Variants in NOTCH2NLB observed in about 807,000 individuals in gnomAD.
The protein encoded by NOTCH2NLB is notch homolog 2 N-terminal-like protein B.
NOTCH2NLB carries 1 observed loss-of-function variant against 14.8 expected under a neutral mutation model. The observed-to-expected ratio is 0.07, with a 90% CI of 0.02 to 0.32. NOTCH2NLB has a LOEUF of 0.32. Ranked by LOEUF, NOTCH2NLB falls within the 10% of genes least tolerant of loss-of-function variation. NOTCH2NLB has a pLI of 1.00. For synonymous variants in NOTCH2NLB, 6 were observed against 57.5 expected, an observed-to-expected ratio of 0.10 and a Z score of 4.05; for missense variants, 11 against 155.0, an observed-to-expected ratio of 0.07 and a Z score of 4.93.
At chr1:148,703,371 A>G in the NOTCH2NLB span, among the ~76,000 whole-genome samples, 873 of 102,052 alleles carry the variant, frequency 8.6e-3, no homozygotes, top group South Asian at 0.023. Context: ...AAAGGAAGGA[A>G]TGGTTAATTC....
At chr1:148,609,704 T>C (rs1663623471) in intron 3 of NOTCH2NLB, among the ~76,000 whole-genome samples, 1 of 133,882 alleles carries the variant, frequency 7.5e-6, no homozygotes. Context: ...GAAAGGTAAA[T>C]GGGAGACACA....
intron 1 of NOTCH2NLB, among the ~76,000 whole-genome samples, chr1:148,651,152 A>G (rs1338348142): frequency 1.3e-5 from 1 of 78,230 alleles, no homozygotes; most frequent in Non-Finnish European, 2.6e-5. Context: ...GAGAAAAAAA[A>G]AAAAAAAAAA....
chr1:148,654,727 C>T lies in NOTCH2NLB; in HGVS notation c.4-14638G>A, dbSNP rs1369339225. 1.2e-3 allele frequency among the ~76,000 whole-genome samples: 114 copies of T among 95,814 alleles called. 38 individuals carry two copies. The highest frequency in any genetic ancestry group is 9.7e-3 in the Admixed American group (98 of 10,078). 62.9% of individuals were successfully genotyped at this position (95,814 alleles called of 152,430 possible). ...ATTATCTGACACAACATATAGCAAA[C>T]GTGGATCTTGAAATGGGAGATAAAT... On this transcript the variant is annotated intron_variant, in intron 1 of 4. Coordinates refer to ENST00000593495, the Ensembl canonical transcript of NOTCH2NLB.
intron 1 of NOTCH2NLB, among the ~76,000 whole-genome samples, chr1:148,643,418 G>A (rs1378251050): frequency 3.0e-5 from 4 of 131,484 alleles, no homozygotes; most frequent in Non-Finnish European, 4.6e-5. Context: ...AGGAGGCTGA[G>A]GCAGGAGAAT....
chr1:148,703,282 T>C, the NOTCH2NLB span, among the ~76,000 whole-genome samples: 1 of 131,580 alleles, frequency 7.6e-6, no homozygotes, highest in Non-Finnish European at 1.7e-5. Context: ...AGAGCAAGAC[T>C]CTGTCTCAAA....
intron 1 of NOTCH2NLB, among the ~76,000 whole-genome samples, chr1:148,660,537 GTC>G (rs1364231273): frequency 1.4e-5 from 2 of 146,456 alleles, no homozygotes; most frequent in Non-Finnish European, 3.1e-5. Flanking sequence ...ATCTCATGGG[GTC>G]TCTGTCTCAG....
the NOTCH2NLB span, among the ~76,000 whole-genome samples, chr1:148,701,963 C>T: frequency 1.9e-5 from 2 of 105,292 alleles, no homozygotes; most frequent in Non-Finnish European, 4.1e-5. Context: ...TTGCCTCAGG[C>T]CCTCATCAGT....
At chr1:148,610,297 G>A (rs1663643947) in intron 3 of NOTCH2NLB, among the ~76,000 whole-genome samples, 1 of 95,654 alleles carries the variant, frequency 1.0e-5, no homozygotes, top group South Asian at 3.5e-4. Context: ...AAGAGAGAGG[G>A]AAAGAGAGAG....
At chr1:148,609,583 C>G (rs1487731260) in intron 3 of NOTCH2NLB, among the ~76,000 whole-genome samples, 1 of 141,754 alleles carries the variant, frequency 7.1e-6, no homozygotes, top group South Asian at 2.3e-4. Context: ...TATAGCAGCA[C>G]GATTTATAAT....
At chr1:148,610,023 G>T (rs1278232124) in intron 3 of NOTCH2NLB, among the ~76,000 whole-genome samples, 4 of 143,536 alleles carry the variant, frequency 2.8e-5, no homozygotes, top group Non-Finnish European at 6.1e-5. Flanking sequence ...AGTGGTGGCT[G>T]ATGCCTGTAA....
chr1:148,700,865 C>T, the NOTCH2NLB span, among the ~76,000 whole-genome samples: 1 of 44,292 alleles, frequency 2.3e-5, no homozygotes. Flanking sequence ...TGCAGAAGCT[C>T]ATTAGTTTAA....
chr1:148,606,542 TTGTATTC>T (rs1663515622), downstream of NOTCH2NLB, among the ~76,000 whole-genome samples: 2 of 146,976 alleles, frequency 1.4e-5, no homozygotes, highest in African/African-American at 5.5e-5. Context: ...ATTCAGCTGC[TTGTATTC>T]TGTTCCCAAT....
At chr1:148,637,989 T>C (rs1374195439) in intron 2 of NOTCH2NLB, among the ~76,000 whole-genome samples, 7 of 147,898 alleles carry the variant, frequency 4.7e-5, no homozygotes, top group South Asian at 2.2e-4. Context: ...ATCCAGTCTA[T>C]CACCGTTGGG....
intron 1 of NOTCH2NLB, among the ~76,000 whole-genome samples, chr1:148,670,560 A>ATATG (rs1664754619): frequency 1.4e-5 from 2 of 138,878 alleles, no homozygotes; most frequent in African/African-American, 2.6e-5. Context: ...ATACATATAT[A>ATATG]TATATATATA....
rs1435467047 is a variant in NOTCH2NLB, at chr1:148,679,548, T to G, written c.-84A>C. On this transcript the variant is annotated 5_prime_UTR_variant, in exon 1 of 5. Coordinates refer to ENST00000593495, the Ensembl canonical transcript of NOTCH2NLB. ...CAGGGCGGGCATCTTCTCGGTCGCC[T>G]CCTCCGCCGCCGCCGCCTGGGCAGA... is the stretch of plus-strand genomic sequence containing the variant. 4.6e-5 allele frequency: 52 copies of G among 1,126,516 alleles called. 9 individuals carry two copies. Among genetic ancestry groups the G allele is most frequent in the East Asian group, 3.4e-4 (6 of 17,904 alleles). 69.8% of individuals were successfully genotyped at this position (1,126,516 alleles called of 1,614,324 possible). A position where few individuals can be genotyped will look rare whatever the true frequency, so the allele number is the denominator to read the frequency against.
intron 1 of NOTCH2NLB, among the ~76,000 whole-genome samples, chr1:148,651,107 C>T (rs1664491348): frequency 8.0e-6 from 1 of 125,272 alleles, no homozygotes; most frequent in Non-Finnish European, 1.7e-5. Context: ...TGTGCCACTG[C>T]ACTCCAGCCT....
chr1:148,602,455 ACTG>A (rs1663399025), downstream of NOTCH2NLB, among the ~76,000 whole-genome samples: 1 of 148,360 alleles, frequency 6.7e-6, no homozygotes, highest in Non-Finnish European at 1.5e-5. Flanking sequence ...GCCCAGGCTC[ACTG>A]CTTCCACCTG....
intron 3 of NOTCH2NLB, among the ~76,000 whole-genome samples, chr1:148,608,415 T>C (rs1663575949): frequency 6.6e-6 from 1 of 150,826 alleles, no homozygotes; most frequent in Admixed American, 6.6e-5. Context: ...ACTTCCCTTC[T>C]GTTTTCCTAG....
chr1:148,633,054 G>A lies in NOTCH2NLB; in HGVS notation c.77+6962C>T, dbSNP rs1664140293. Among the ~76,000 whole-genome samples the A allele has an allele frequency of 1.7e-5, 2 of 120,818 alleles. 1 individual carries two copies. The highest frequency in any genetic ancestry group is 7.6e-5 in the African/African-American group (2 of 26,428). 79.3% of individuals were successfully genotyped at this position (120,818 alleles called of 152,430 possible). A position where few individuals can be genotyped will look rare whatever the true frequency, so the allele number is the denominator to read the frequency against. On this transcript the variant is annotated intron_variant, in intron 2 of 4. Transcript: ENST00000593495. ...TATGAGGTACTCAGGCCTACCTAAT[G>A]CTACTGTCTTTAAATTTAGAAATTA...
Sources: gnomAD v4.1 joint callset for allele counts (sites outside exome capture counted in the v4.1 genomes callset) on GRCh38, gnomAD v4.1.1 for gene constraint, MANE v1.5 for transcripts, NCBI Gene and HGNC (gene_info 2026-07-23, HGNC 2026-07-21) for gene names.